CNTN5: variants seen among roughly 807,000 people sequenced by gnomAD.
CNTN5 encodes the protein contactin 5.
In CNTN5, 77 loss-of-function variants were observed where a neutral mutation model predicts 129.1. The observed-to-expected ratio is 0.60, with a 90% confidence interval of 0.50 to 0.72. The LOEUF (loss-of-function observed/expected upper bound fraction) is 0.72, where lower values mean the gene tolerates loss of function less well. CNTN5 is among the 30% of genes least tolerant of loss of function. The probability of loss-of-function intolerance (pLI) is 0.00; values close to 1 mark genes in which losing one functional copy is unlikely to be tolerated. For missense variants in CNTN5, 1,478 were observed against 1,328.8 expected, an observed-to-expected ratio of 1.11 and a Z score of -1.75; for synonymous variants, 509 against 465.6, an observed-to-expected ratio of 1.09 and a Z score of -1.20.
chr11:99,801,420 A>C (rs1303160978), intron 3 of CNTN5, among the ~76,000 whole-genome samples: 1 of 151,864 alleles, frequency 6.6e-6, no homozygotes, highest in Non-Finnish European at 1.5e-5. Context: ...GGAGATGTTC[A>C]TTTTCTGTAG....
At chr11:99,211,198 A>G (rs934772164) in intron 1 of CNTN5, among the ~76,000 whole-genome samples, 1 of 151,952 alleles carries the variant, frequency 6.6e-6, no homozygotes, top group African/African-American at 2.4e-5. Flanking sequence ...TAAAATCTCT[A>G]CTTTCCTGAT....
At chr11:99,760,897 A>T (rs1944557102) in intron 3 of CNTN5, among the ~76,000 whole-genome samples, 1 of 152,142 alleles carries the variant, frequency 6.6e-6, no homozygotes, top group Non-Finnish European at 1.5e-5. Context: ...ACCTGAGAAC[A>T]TCACTGTATA....
chr11:99,592,143 A>C (rs189499438), intron 3 of CNTN5, among the ~76,000 whole-genome samples: 6 of 152,336 alleles, frequency 3.9e-5, no homozygotes, highest in South Asian at 2.1e-4. Flanking sequence ...GAGGTTGCTT[A>C]GGTGGTTGGA....
intron 3 of CNTN5, among the ~76,000 whole-genome samples, chr11:99,584,445 A>G (rs548441246): frequency 1.1e-3 from 174 of 152,306 alleles, no homozygotes; most frequent in Non-Finnish European, 2.2e-3. Context: ...TCCTTATAAT[A>G]CAATAATGTT....
At chr11:100,138,627 G>A (rs1003742188) in intron 13 of CNTN5, among the ~76,000 whole-genome samples, 7 of 152,040 alleles carry the variant, frequency 4.6e-5, no homozygotes, top group Non-Finnish European at 1.0e-4. Flanking sequence ...AGAGCGGTAG[G>A]TGATGTGGTT....
intron 7 of CNTN5, among the ~76,000 whole-genome samples, chr11:99,927,502 G>A (rs781535526): frequency 2.6e-5 from 4 of 152,196 alleles, no homozygotes; most frequent in Non-Finnish European, 2.9e-5. Flanking sequence ...GCAGGGCTGG[G>A]GGCCTCAGGA....
intron 3 of CNTN5, among the ~76,000 whole-genome samples, chr11:99,651,462 C>A (rs767329628): frequency 6.6e-6 from 1 of 151,878 alleles, no homozygotes; most frequent in Non-Finnish European, 1.5e-5. Context: ...TGATCCAAAG[C>A]ACATTTAAAT....
chr11:99,654,185 A>G (rs1210258913), intron 3 of CNTN5, among the ~76,000 whole-genome samples: 1 of 152,130 alleles, frequency 6.6e-6, no homozygotes, highest in African/African-American at 2.4e-5. Flanking sequence ...CTGCCTGAAC[A>G]TAGCTTTTAA....
intron 3 of CNTN5, among the ~76,000 whole-genome samples, chr11:99,610,364 T>G (rs1950558299): frequency 6.6e-6 from 1 of 152,140 alleles, no homozygotes; most frequent in East Asian, 1.9e-4. Flanking sequence ...GTATAGATTC[T>G]CAGTCCCACA....
intron 3 of CNTN5, among the ~76,000 whole-genome samples, chr11:99,580,386 A>G (rs1201495188): frequency 1.3e-5 from 2 of 152,070 alleles, no homozygotes; most frequent in Non-Finnish European, 2.9e-5. Flanking sequence ...TATTAACTGG[A>G]ATAGTTTCAG....
At position 99,346,669 on chromosome 11, in the gene CNTN5, C is replaced by T. The variant is rs562685781; in HGVS notation, c.-71+21185C>T. 2.4e-4 allele frequency among the ~76,000 whole-genome samples: 37 copies of T among 152,304 alleles called. No homozygotes were observed. In the East Asian group the frequency reaches 3.5e-3, roughly 14 times the overall value. On this transcript the variant is annotated intron_variant, in intron 2 of 24. Transcript: ENST00000524871. ...CATTTCTCCAAAATTCTTATGTTAA[C>T]GCCCTTATTCCCAGTGGTATTATAT...
At chr11:99,383,762 C>T (rs117148869) in intron 2 of CNTN5, among the ~76,000 whole-genome samples, 385 of 152,222 alleles carry the variant, frequency 2.5e-3, no homozygotes, top group Non-Finnish European at 4.2e-3. Flanking sequence ...GCAGAAGCTG[C>T]TTTACCCTGG....
At chr11:99,135,523 G>A (rs570658212) in intron 1 of CNTN5, among the ~76,000 whole-genome samples, 7 of 152,230 alleles carry the variant, frequency 4.6e-5, no homozygotes, top group South Asian at 2.1e-4. Context: ...GAGGAAGTGT[G>A]GAAAGGTAGG....
At chr11:100,123,138 C>T (rs905005504) in intron 13 of CNTN5, among the ~76,000 whole-genome samples, 9 of 150,868 alleles carry the variant, frequency 6.0e-5, no homozygotes, top group Non-Finnish European at 1.2e-4. Flanking sequence ...ATTTTTTTTT[C>T]AGGAGAATGT....
chr11:99,689,031 C>T lies in CNTN5; in HGVS notation c.56-130513C>T, dbSNP rs116049710. Among the ~76,000 whole-genome samples the T allele has an allele frequency of 5.8e-3, 880 of 152,060 alleles. 10 individuals carry two copies. Among genetic ancestry groups the T allele is most frequent in the African/African-American group, 0.02 (836 of 41,482 alleles). On this transcript the variant is annotated intron_variant, in intron 3 of 24. Transcript: ENST00000524871. ...ATTGATGGGCATTTAGGTTATTTCACGTCTTTTCTATTGTGAATAGTGCTC... is the reference window on the plus strand; with the variant it reads ...ATTGATGGGCATTTAGGTTATTTCATGTCTTTTCTATTGTGAATAGTGCTC...
intron 2 of CNTN5, among the ~76,000 whole-genome samples, chr11:99,366,079 T>G (rs571503314): frequency 6.6e-6 from 1 of 152,294 alleles, no homozygotes; most frequent in South Asian, 2.1e-4. Flanking sequence ...CTAACAGATC[T>G]TCCTTGTAAA....
intron 3 of CNTN5, among the ~76,000 whole-genome samples, chr11:99,814,294 C>A (rs1208563335): frequency 6.6e-6 from 1 of 152,110 alleles, no homozygotes. Flanking sequence ...GAGGGACTGT[C>A]TCTTCTGATT....
intron 1 of CNTN5, among the ~76,000 whole-genome samples, chr11:99,257,253 A>G (rs1417562719): frequency 6.6e-6 from 1 of 152,192 alleles, no homozygotes; most frequent in Non-Finnish European, 1.5e-5. Flanking sequence ...GTGCCATGTG[A>G]ATAAAACCAG....
chr11:99,779,668 T>C (rs1403799553), intron 3 of CNTN5, among the ~76,000 whole-genome samples: 1 of 151,980 alleles, frequency 6.6e-6, no homozygotes, highest in East Asian at 1.9e-4. Context: ...CTTACTATAT[T>C]GACAAGGAAA....
Sources: gnomAD v4.1 joint callset for allele counts (sites outside exome capture counted in the v4.1 genomes callset) on GRCh38, gnomAD v4.1.1 for gene constraint, MANE v1.5 for transcripts, NCBI Gene and HGNC (gene_info 2026-07-23, HGNC 2026-07-21) for gene names.